ASB7: variants seen among roughly 807,000 people sequenced by gnomAD.
The protein encoded by ASB7 is ankyrin repeat and SOCS box protein 7.
ASB7 carries 4 observed loss-of-function variants against 32.5 expected under a neutral mutation model. That is an observed-to-expected ratio of 0.12 (90% CI 0.06 to 0.28). The LOEUF is 0.28. ASB7 is among the 10% of genes least tolerant of loss of function. ASB7 has a pLI of 1.00. For synonymous variants in ASB7, 172 were observed against 155.6 expected (o/e 1.11, Z -0.78); for missense variants, 181 against 407.1 (o/e 0.44, Z 4.78).
rs1410431251 is a variant in ASB7 at position 100,645,680 on chromosome 15, A to G, written c.818-2643A>G. On this transcript the variant is annotated intron_variant, in intron 5 of 5. Transcript: ENST00000332783. ...ATGTGAGGTTAGGGACGGCAACACG[A>G]AAGAACCATCTTTAGTTTGGGGATC... 5 of 1,504,892 alleles carry G rather than the reference A, an allele frequency of 3.3e-6. No individual in the cohort carries two copies. In the Admixed American group the frequency reaches 5.0e-5, roughly 15 times the overall value. 93.2% of individuals were successfully genotyped at this position (1,504,892 alleles called of 1,614,324 possible).
intron 4 of ASB7, among the ~76,000 whole-genome samples, chr15:100,628,839 A>G (rs940648608): frequency 1.2e-4 from 19 of 152,382 alleles, no homozygotes; most frequent in Middle Eastern, 3.4e-3. Flanking sequence ...AAAACTAAGA[A>G]TTCAGAATAG....
At chr15:100,607,053 T>A (rs2039651441) in intron 2 of ASB7, among the ~76,000 whole-genome samples, 1 of 151,624 alleles carries the variant, frequency 6.6e-6, no homozygotes, top group Admixed American at 6.6e-5. Flanking sequence ...CTTAGGAGGC[T>A]GAGGCAGGAG....
At chr15:100,630,192 A>T in intron 5 of ASB7, 150 bp downstream of exon 5, 1 of 1,360,354 alleles carries the variant, frequency 7.4e-7, no homozygotes, top group Non-Finnish European at 9.5e-7. Flanking sequence ...CTGAAATAAA[A>T]AAAAAACTTT....
In ASB7 at chr15:100,622,544, G is replaced by A. The variant is rs544391208; in HGVS notation, c.212-6893G>A. Among the ~76,000 whole-genome samples the A allele has an allele frequency of 9.9e-5, 15 of 152,196 alleles. 1 individual carries two copies. The highest frequency in any genetic ancestry group is 3.3e-4 in the Admixed American group (5 of 15,286). On this transcript the variant is annotated intron_variant, in intron 4 of 5. Transcript: ENST00000332783. ...ACAAAGCTGGAGGCATCACACTACC[G>A]GACTTCAAAATATACTACAAGGCTC... is the stretch of plus-strand genomic sequence containing the variant.
At chr15:100,633,848 C>T (rs1236927525) in intron 5 of ASB7, among the ~76,000 whole-genome samples, 4 of 152,072 alleles carry the variant, frequency 2.6e-5, no homozygotes, top group East Asian at 1.9e-4. Flanking sequence ...TTCTCAGGCT[C>T]GTGCACACAA....
rs113625194 is a variant in ASB7, at chr15:100,619,029, T to C, written c.211+6602T>C. Among the ~76,000 whole-genome samples the C allele has an allele frequency of 3.8e-4, 58 of 152,342 alleles. 1 individual carries two copies. Among genetic ancestry groups the C allele is most frequent in the African/African-American group, 1.3e-3 (55 of 41,582 alleles). On this transcript the variant is annotated intron_variant, in intron 4 of 5. Transcript: ENST00000332783. Reference sequence around the variant, plus strand: ...ACCGTTTCTTACCTGTAATTCTGTATTGCCCCTAAGAAAACAAGGCAGTTC... The same window carrying C: ...ACCGTTTCTTACCTGTAATTCTGTACTGCCCCTAAGAAAACAAGGCAGTTC...
chr15:100,634,178 T>C (rs2141402740), intron 5 of ASB7, among the ~76,000 whole-genome samples: 1 of 152,328 alleles, frequency 6.6e-6, no homozygotes, highest in East Asian at 1.9e-4. Context: ...TCTTATCTTC[T>C]TCCTCACAGG....
In ASB7 at chr15:100,649,273, C is replaced by G. The variant is rs553876895; in HGVS notation, c.*811C>G. 9 of 152,244 alleles carry G rather than the reference C, an allele frequency of 5.9e-5. No individual in the cohort carries two copies. Among genetic ancestry groups the G allele is most frequent in the Non-Finnish European group, 1.3e-4 (9 of 68,050 alleles). 9.4% of individuals were successfully genotyped at this position (152,244 alleles called of 1,614,324 possible). On this transcript the variant is annotated 3_prime_UTR_variant, in exon 6 of 6. Coordinates refer to ENST00000332783, the MANE Select transcript of ASB7 (RefSeq NM_198243.3). ...TTCTGGTGTATTTTATCCATTATTT[C>G]ACTTGCTGGTCGTCATTTCACAGCC...
intron 4 of ASB7, among the ~76,000 whole-genome samples, chr15:100,627,708 G>A (rs1369474736): frequency 6.6e-6 from 1 of 152,200 alleles, no homozygotes; most frequent in Non-Finnish European, 1.5e-5. Context: ...TACAAATAAG[G>A]ATGGTGGCTG....
intron 3 of ASB7, among the ~76,000 whole-genome samples, chr15:100,611,324 G>A (rs761812746): frequency 6.6e-6 from 1 of 151,996 alleles, no homozygotes; most frequent in Non-Finnish European, 1.5e-5. Context: ...AAAGTGCTGG[G>A]ATTACAAACG....
At chr15:100,627,678 C>A (rs1466353554) in intron 4 of ASB7, among the ~76,000 whole-genome samples, 1 of 152,040 alleles carries the variant, frequency 6.6e-6, no homozygotes, top group Non-Finnish European at 1.5e-5. Flanking sequence ...ATTTTACTGT[C>A]AAATAGAACG....
intron 5 of ASB7, among the ~76,000 whole-genome samples, chr15:100,640,772 A>C (rs890547515): frequency 6.6e-6 from 1 of 152,212 alleles, no homozygotes; most frequent in African/African-American, 2.4e-5. Flanking sequence ...GCGATGTCAC[A>C]GGGAGGTGAT....
chr15:100,645,679 G>A (rs1022983228), intron 5 of ASB7: 32 of 1,490,258 alleles, frequency 2.1e-5, no homozygotes, highest in African/African-American at 1.4e-4. Context: ...ACGGCAACAC[G>A]AAAGAACCAT....
intron 2 of ASB7, chr15:100,609,478 CA>C (rs1162168405): frequency 6.6e-6 from 1 of 152,096 alleles, no homozygotes; most frequent in African/African-American, 2.4e-5. Context: ...TGCTCTTTCT[CA>C]AATAGCTGCA....
intron 4 of ASB7, among the ~76,000 whole-genome samples, chr15:100,613,146 C>T (rs1350552036): frequency 6.6e-6 from 1 of 152,216 alleles, no homozygotes; most frequent in African/African-American, 2.4e-5. Context: ...TGTATACCCA[C>T]ATTATCTCTG....
chr15:100,643,728 C>A (rs2039978383), intron 5 of ASB7, among the ~76,000 whole-genome samples: 1 of 150,970 alleles, frequency 6.6e-6, no homozygotes, highest in Admixed American at 6.6e-5. Flanking sequence ...CTCCTGACCT[C>A]GTGATCCGCC....
At chr15:100,612,606 A>G in intron 4 of ASB7, 179 bp downstream of exon 4, 1 of 649,614 alleles carries the variant, frequency 1.5e-6, no homozygotes, top group Admixed American at 2.9e-5. Flanking sequence ...AGATTGTTTA[A>G]AAGATCAGTT....
intron 3 of ASB7, among the ~76,000 whole-genome samples, 182 bp downstream of exon 3, chr15:100,610,010 A>G (rs1387969683): frequency 2.0e-5 from 3 of 152,244 alleles, no homozygotes; most frequent in East Asian, 1.9e-4. Flanking sequence ...AAGTGCCAAC[A>G]TAATCACTTA....
intron 5 of ASB7, 197 bp downstream of exon 5, chr15:100,630,239 T>C: frequency 1.6e-6 from 2 of 1,269,482 alleles, no homozygotes; most frequent in Middle Eastern, 2.9e-4. Flanking sequence ...TTCAATTGTG[T>C]TTCTAAATGT....
Sources: gnomAD v4.1 joint callset for allele counts (sites outside exome capture counted in the v4.1 genomes callset) on GRCh38, gnomAD v4.1.1 for gene constraint, MANE v1.5 for transcripts, NCBI Gene and HGNC (gene_info 2026-07-23, HGNC 2026-07-21) for gene names.